Variants in STS observed in about 807,000 individuals in gnomAD.
STS encodes the protein steryl-sulfatase.
STS carries 7 observed loss-of-function variants against 26.8 expected under a neutral mutation model. The observed-to-expected ratio is 0.26, with a 90% confidence interval of 0.15 to 0.49. The LOEUF (loss-of-function observed/expected upper bound fraction) is 0.49, where lower values mean the gene tolerates loss of function less well. STS is among the 20% of genes least tolerant of loss of function. The probability of loss-of-function intolerance (pLI) is 0.98; values close to 1 mark genes in which losing one functional copy is unlikely to be tolerated. For missense variants in STS, 434 were observed against 465.6 expected, an observed-to-expected ratio of 0.93 and a Z score of 0.63; for synonymous variants, 199 against 189.4, an observed-to-expected ratio of 1.05 and a Z score of -0.42.
At chrX:7,319,120 T>C (rs993690542) in intron 8 of STS, among the ~76,000 whole-genome samples, 3 of 111,035 alleles carry the variant, frequency 2.7e-5, no homozygotes, top group Non-Finnish European at 5.7e-5. Context: ...TACACAGACA[T>C]TGGATGTGCC....
chrX:7,288,684 CTG>C (rs1925268016), intron 7 of STS, among the ~76,000 whole-genome samples: 9 of 71,405 alleles, frequency 1.3e-4, no homozygotes, highest in African/African-American at 4.3e-4. Flanking sequence ...GTGTGTGTGT[CTG>C]TGATGGACCA....
intron 2 of STS, among the ~76,000 whole-genome samples, chrX:7,244,263 A>G (rs1218195136): frequency 5.3e-5 from 6 of 112,211 alleles, no homozygotes; most frequent in African/African-American, 1.6e-4. Context: ...AGAAGAAGGA[A>G]TGCTTGCAGC....
At chrX:7,301,196 C>G (rs758898129) in intron 7 of STS, among the ~76,000 whole-genome samples, 1 of 103,234 alleles carries the variant, frequency 9.7e-6, no homozygotes, top group Non-Finnish European at 2.0e-5. Context: ...GAGACCAGCC[C>G]GGGCAACAAA....
chrX:7,206,483 T>C (rs779140882), intron 2 of STS, among the ~76,000 whole-genome samples: 177 of 112,471 alleles, frequency 1.6e-3, no homozygotes, highest in Non-Finnish European at 2.9e-3. Context: ...TTTTCTTTTC[T>C]TTTTTTGGTT....
At chrX:7,201,759 A>T (rs1165431794) in intron 2 of STS, among the ~76,000 whole-genome samples, 3 of 111,038 alleles carry the variant, frequency 2.7e-5, no homozygotes, top group Non-Finnish European at 5.7e-5. Flanking sequence ...TTGAACACTG[A>T]TCTAGAGACT....
intron 6 of STS, among the ~76,000 whole-genome samples, chrX:7,266,948 C>T (rs1031406940): frequency 3.6e-5 from 4 of 112,046 alleles, no homozygotes; most frequent in Admixed American, 9.5e-5. Flanking sequence ...TCCTTCACAC[C>T]ACATAACAAC....
rs1035003883 is a variant in STS, at chrX:7,350,197, G to C, written c.1673G>C (p.Cys558Ser). The change falls in exon 11 of 11, where the codon TGT becomes TCT. Residue 558 changes from cysteine to serine, a missense_variant. Around this residue, in one of 2 missense-constraint regions of STS, gnomAD observed 205 missense variants for 177.3 expected, o/e 1.16. Coordinates refer to ENST00000674429, the MANE Select transcript of STS (RefSeq NM_001320752.2). ...FLWKPWLQLC[C>S]PSTGLSCQCD... ...TGGAAGCCCTGGCTTCAGCTGTGCT[G>C]TCCTTCCACCGGCCTGTCTTGCCAG... is the stretch of plus-strand genomic sequence containing the variant. The C allele has an allele frequency of 3.3e-6, 4 of 1,210,385 alleles. No individual in the cohort carries two copies. The highest frequency in any genetic ancestry group is 2.2e-5 in the Admixed American group (1 of 45,874).
chrX:7,215,022 A>G (rs866490715), intron 2 of STS, among the ~76,000 whole-genome samples: 1 of 63,176 alleles, frequency 1.6e-5, no homozygotes, highest in Non-Finnish European at 3.1e-5. Context: ...ATATATATAT[A>G]TTATATATGT....
rs750596070 is a variant in STS at position 7,203,561 on chromosome X, A to G, written c.-5+12553A>G. On this transcript the variant is annotated intron_variant, in intron 2 of 10. Transcript: ENST00000674429. ...CTTTCTCCATCAGTAGGAATACACT[A>G]TGATTAAATTGTACTTTGTAAACTG... Among the ~76,000 whole-genome samples, 9 of 111,793 alleles carry G rather than the reference A, an allele frequency of 8.1e-5. No individual in the cohort carries two copies. In the East Asian group the frequency reaches 2.2e-3, roughly 28 times the overall value.
intron 2 of STS, among the ~76,000 whole-genome samples, chrX:7,207,019 A>G (rs776609758): frequency 2.1e-4 from 23 of 111,454 alleles, no homozygotes; most frequent in Non-Finnish European, 3.4e-4. Flanking sequence ...AGACCAGCCT[A>G]GGGAACATGG....
At chrX:7,341,970 C>A (rs1415720215) in intron 10 of STS, among the ~76,000 whole-genome samples, 17 of 110,345 alleles carry the variant, frequency 1.5e-4, no homozygotes, top group African/African-American at 4.6e-4. Flanking sequence ...CACCACCACG[C>A]CCAGCTAGTT....
chrX:7,224,376 C>T (rs763487344), intron 2 of STS, among the ~76,000 whole-genome samples: 1 of 111,413 alleles, frequency 9.0e-6, no homozygotes, highest in Non-Finnish European at 1.9e-5. Flanking sequence ...CCCTGGACTT[C>T]AGTCCCTTCA....
chrX:7,349,767 C>T, intron 10 of STS, 121 bp from the exon 11 acceptor site: 1 of 994,485 alleles, frequency 1.0e-6, no homozygotes, highest in Non-Finnish European at 1.4e-6. Flanking sequence ...GTGTCTGCAG[C>T]CTTATGATAT....
intron 1 of STS, among the ~76,000 whole-genome samples, chrX:7,181,936 C>T (rs1231460477): frequency 3.6e-5 from 4 of 110,246 alleles, no homozygotes; most frequent in Non-Finnish European, 5.7e-5. Flanking sequence ...ATATACAAAT[C>T]GGTGGCACAC....
At chrX:7,191,324 A>C (rs1933868562) in intron 2 of STS, among the ~76,000 whole-genome samples, 1 of 112,105 alleles carries the variant, frequency 8.9e-6, no homozygotes, top group Non-Finnish European at 1.9e-5. Flanking sequence ...TTATGTGGCA[A>C]GTCTAGAGGA....
intron 5 of STS, 133 bp downstream of exon 5, chrX:7,257,721 CA>C: frequency 1.1e-6 from 1 of 883,755 alleles, no homozygotes; most frequent in Non-Finnish European, 1.6e-6. Context: ...GTACACTTTG[CA>C]TAACTTTAAA....
At chrX:7,330,687 A>G (rs1265002034) in intron 9 of STS, among the ~76,000 whole-genome samples, 2 of 112,216 alleles carry the variant, frequency 1.8e-5, no homozygotes, top group Non-Finnish European at 3.8e-5. Flanking sequence ...TGAAAAAGTC[A>G]GTGAGCTGTA....
chrX:7,147,841 C>T lies in STS; in HGVS notation c.-376C>T. On this transcript the variant is annotated 5_prime_UTR_variant, in exon 1 of 11. The change creates a new upstream start codon in the 5' untranslated region. Coordinates refer to ENST00000674429, the MANE Select transcript of STS (RefSeq NM_001320752.2). ...TGGGGCCGCGTAGACGCCGCGGCCA[C>T]GCGCGCCCGCCAGCCCGGACATGGG... The T allele has an allele frequency of 6.4e-6, 1 of 155,527 alleles. No homozygotes were observed. Among genetic ancestry groups the T allele is most frequent in the Non-Finnish European group, 1.3e-5 (1 of 77,300 alleles). The allele number at this position is 155,527 out of a possible 1,213,427, so 12.8% of individuals were successfully genotyped here.
At chrX:7,180,131 G>A (rs1029731081) in intron 1 of STS, among the ~76,000 whole-genome samples, 1 of 111,184 alleles carries the variant, frequency 9.0e-6, no homozygotes, top group African/African-American at 3.3e-5. Flanking sequence ...GAGGGGGGAT[G>A]GTTTTGGAAT....
Sources: gnomAD v4.1 joint callset for allele counts (sites outside exome capture counted in the v4.1 genomes callset) on GRCh38, gnomAD v4.1.1 for gene constraint, gnomAD v4.1.1 regional missense constraint, MANE v1.5 for transcripts, NCBI Gene and HGNC (gene_info 2026-07-23, HGNC 2026-07-21) for gene names.